The following SLC45A4 variants were observed in gnomAD, a reference collection of about 807,000 sequenced individuals.
SLC45A4 encodes solute carrier family 45 member 4, also known as polyamine-transporter SLC45A4.
A neutral mutation model predicts 63.7 loss-of-function variants in SLC45A4; 32 were observed. The observed-to-expected ratio is 0.50, with a 90% CI of 0.38 to 0.67. SLC45A4 has a LOEUF of 0.67. Ranked by LOEUF, SLC45A4 falls within the 30% of genes least tolerant of loss-of-function variation. The probability of loss-of-function intolerance (pLI) is 0.00; values close to 1 mark genes in which losing one functional copy is unlikely to be tolerated. For missense variants in SLC45A4, 1,027 were observed against 1,157.7 expected, an observed-to-expected ratio of 0.89 and a Z score of 1.64; for synonymous variants, 535 against 510.0, an observed-to-expected ratio of 1.05 and a Z score of -0.66.
chr8:141,207,401 TAATAG>T lies in SLC45A4; in HGVS notation c.*4166_*4170del, dbSNP rs1190561482. The T allele has an allele frequency of 3.9e-5, 6 of 152,186 alleles. No individual in the cohort carries two copies. The highest frequency in any genetic ancestry group is 2.0e-4 in the Admixed American group (3 of 15,286). The allele number at this position is 152,186 out of a possible 1,614,324, so 9.4% of individuals were successfully genotyped here. ...AAACATGAGGCCACTGTTACCCAAC[TAATAG>T]AAGAGAGTCATGAGCGACACGACAC... On this transcript the variant is annotated 3_prime_UTR_variant, in exon 9 of 9. Transcript: ENST00000517878.
At chr8:141,285,638 G>A (rs371702224) in intron 1 of SLC45A4, among the ~76,000 whole-genome samples, 19 of 152,162 alleles carry the variant, frequency 1.2e-4, no homozygotes, top group East Asian at 7.7e-4. Context: ...CCAAAGAGAC[G>A]CGCACCCCAA....
intron 1 of SLC45A4, among the ~76,000 whole-genome samples, chr8:141,305,357 G>T (rs1040283928): frequency 1.3e-5 from 2 of 152,184 alleles, no homozygotes; most frequent in African/African-American, 4.8e-5. Flanking sequence ...CGGCTGGGAG[G>T]TTTGCTCCCT....
At chr8:141,292,805 C>G (rs556314134) in intron 1 of SLC45A4, 1 of 152,442 alleles carries the variant, frequency 6.6e-6, no homozygotes, top group South Asian at 2.1e-4. Context: ...GTGTCAGCGA[C>G]AAAAACCACA....
intron 8 of SLC45A4, 52 bp downstream of exon 8, chr8:141,212,145 C>CCCGGGGGGGG: frequency 5.2e-6 from 5 of 955,986 alleles, no homozygotes; most frequent in Non-Finnish European, 6.4e-6. Flanking sequence ...GCCGCCCGCC[C>CCCGGGGGGGG]GCCCGCCCAC....
At chr8:141,295,081 T>C (rs191245295) in intron 1 of SLC45A4, among the ~76,000 whole-genome samples, 8 of 151,954 alleles carry the variant, frequency 5.3e-5, no homozygotes, top group African/African-American at 1.7e-4. Flanking sequence ...GGCAGAGGGG[T>C]GTGGACATTC....
At chr8:141,232,366 G>A (rs1424459254) in intron 2 of SLC45A4, among the ~76,000 whole-genome samples, 1 of 152,224 alleles carries the variant, frequency 6.6e-6, no homozygotes, top group Admixed American at 6.5e-5. Context: ...AGGGACAGAT[G>A]GGAAATCCAG....
chr8:141,272,654 C>T (rs1829585493), intron 1 of SLC45A4, among the ~76,000 whole-genome samples: 2 of 152,212 alleles, frequency 1.3e-5, no homozygotes, highest in African/African-American at 2.4e-5. Context: ...ACCTGCAAGC[C>T]TTAGGCCCTC....
chr8:141,236,844 T>C (rs1295178347), intron 2 of SLC45A4, among the ~76,000 whole-genome samples: 4 of 152,210 alleles, frequency 2.6e-5, no homozygotes, highest in Non-Finnish European at 5.9e-5. Context: ...CACTGGGCGG[T>C]GCCCAGTGGA....
At chr8:141,295,856 C>T (rs968852945) in intron 1 of SLC45A4, among the ~76,000 whole-genome samples, 1 of 152,180 alleles carries the variant, frequency 6.6e-6, no homozygotes, top group African/African-American at 2.4e-5. Context: ...CAGGATGGTG[C>T]GGAGCTCATC....
At chr8:141,216,226 G>A (rs972006705) in intron 6 of SLC45A4, among the ~76,000 whole-genome samples, 8 of 152,128 alleles carry the variant, frequency 5.3e-5, no homozygotes, top group South Asian at 2.1e-4. Flanking sequence ...CCATAACCCC[G>A]CCCTTCCTGC....
chr8:141,259,491 C>A (rs1439023395), intron 1 of SLC45A4, among the ~76,000 whole-genome samples: 1 of 152,246 alleles, frequency 6.6e-6, no homozygotes, highest in Non-Finnish European at 1.5e-5. Flanking sequence ...TCTGCCCACA[C>A]CACCGGCCAT....
chr8:141,251,963 G>A (rs1483286463), intron 2 of SLC45A4, among the ~76,000 whole-genome samples: 1 of 146,814 alleles, frequency 6.8e-6, no homozygotes, highest in East Asian at 2.0e-4. Context: ...TCAGATCCGT[G>A]CACATAACCG....
intron 1 of SLC45A4, among the ~76,000 whole-genome samples, chr8:141,257,755 G>C (rs1428828017): frequency 1.3e-5 from 2 of 152,180 alleles, no homozygotes; most frequent in Admixed American, 6.5e-5. Context: ...GGACAGTACT[G>C]GCATCTTATA....
chr8:141,258,913 T>G (rs574104476), intron 1 of SLC45A4, among the ~76,000 whole-genome samples: 20 of 145,622 alleles, frequency 1.4e-4, no homozygotes, highest in African/African-American at 4.8e-4. Context: ...AAAAACAGAC[T>G]CTAAAACAAG....
intron 1 of SLC45A4, among the ~76,000 whole-genome samples, chr8:141,305,247 G>A (rs1246650443): frequency 6.6e-6 from 1 of 152,212 alleles, no homozygotes; most frequent in Non-Finnish European, 1.5e-5. Context: ...CTAGGAGCCG[G>A]TGGGGGAGGT....
At chr8:141,262,366 T>C (rs1455943483) in intron 1 of SLC45A4, among the ~76,000 whole-genome samples, 2 of 146,358 alleles carry the variant, frequency 1.4e-5, no homozygotes, top group Non-Finnish European at 3.0e-5. Flanking sequence ...AATTGACAAA[T>C]GGGATCTAAT....
At chr8:141,272,340 G>A (rs1333656935) in intron 1 of SLC45A4, among the ~76,000 whole-genome samples, 3 of 152,274 alleles carry the variant, frequency 2.0e-5, no homozygotes, top group East Asian at 1.9e-4. Flanking sequence ...ACCAGCTCAC[G>A]CGCTACGGCT....
intron 2 of SLC45A4, among the ~76,000 whole-genome samples, chr8:141,242,819 T>A (rs982375832): frequency 6.6e-6 from 1 of 152,122 alleles, no homozygotes; most frequent in Non-Finnish European, 1.5e-5. Context: ...TCTACCACCA[T>A]CCTGGGTTTA....
chr8:141,207,227 A>C lies in SLC45A4; in HGVS notation c.*4345T>G, dbSNP rs973397100. 6.6e-6 allele frequency: 1 copy of C among 152,476 alleles called. No individual in the cohort carries two copies. The highest frequency in any genetic ancestry group is 1.5e-5 in the Non-Finnish European group (1 of 68,200). 9.4% of individuals were successfully genotyped at this position (152,476 alleles called of 1,614,324 possible). A position where few individuals can be genotyped will look rare whatever the true frequency, so the allele number is the denominator to read the frequency against. ...ACAGAGGAACAGAGAAACAGACACA[A>C]GGAGGTTCTGTGTGCATGGAGGAAA... On this transcript the variant is annotated 3_prime_UTR_variant, in exon 9 of 9. Transcript: ENST00000517878.
Sources: gnomAD v4.1 joint callset for allele counts (sites outside exome capture counted in the v4.1 genomes callset) on GRCh38, gnomAD v4.1.1 for gene constraint, MANE v1.5 for transcripts, NCBI Gene and HGNC (gene_info 2026-07-23, HGNC 2026-07-21) for gene names.